The following HDAC9 variants were observed in gnomAD, a reference collection of about 807,000 sequenced individuals.
The protein encoded by HDAC9 is MEF-2 interacting transcription repressor (MITR) protein.
HDAC9 carries 41 observed loss-of-function variants against 139.4 expected under a neutral mutation model. The observed-to-expected ratio is 0.29, with a 90% CI of 0.23 to 0.38. The LOEUF is 0.38. Among genes scored for constraint, HDAC9 ranks in the 10% least tolerant of loss-of-function variants. The pLI, the probability that HDAC9 is intolerant of heterozygous loss-of-function variation, is 1.00. For synonymous variants in HDAC9, 517 were observed against 476.2 expected (o/e 1.09, Z -1.12); for missense variants, 1,147 against 1,297.0 (o/e 0.88, Z 1.78).
intron 16 of HDAC9, among the ~76,000 whole-genome samples, chr7:18,771,903 G>C (rs1238780883): frequency 2.0e-5 from 3 of 152,098 alleles, no homozygotes; most frequent in African/African-American, 7.2e-5. Flanking sequence ...TATTTTCAAA[G>C]CCATAATGTG....
intron 12 of HDAC9, among the ~76,000 whole-genome samples, chr7:18,679,744 A>G (rs915521391): frequency 4.6e-5 from 7 of 151,868 alleles, no homozygotes; most frequent in Non-Finnish European, 1.0e-4. Context: ...AGTATGAAGC[A>G]TAGATAATGG....
intron 9 of HDAC9, among the ~76,000 whole-genome samples, chr7:18,645,734 A>G (rs750699520): frequency 3.3e-5 from 5 of 152,204 alleles, no homozygotes; most frequent in African/African-American, 4.8e-5. Flanking sequence ...ATGATACATT[A>G]GGTTTAGAGA....
chr7:18,651,440 G>T lies in HDAC9; in HGVS notation c.1467+2757G>T, dbSNP rs73683041. ...TGAGGAATTTAGAGAAACAAAAAAT[G>T]AAGTGGGAACAAGAAAATATAAGTA... On this transcript the variant is annotated intron_variant, in intron 11 of 25. Coordinates refer to ENST00000686413, the MANE Select transcript of HDAC9 (RefSeq NM_178425.4). Among the ~76,000 whole-genome samples the T allele has an allele frequency of 9.3e-3, 1,417 of 152,164 alleles. 19 individuals carry two copies. Among genetic ancestry groups the T allele is most frequent in the African/African-American group, 0.032 (1,347 of 41,520 alleles).
intron 2 of HDAC9, among the ~76,000 whole-genome samples, chr7:18,196,674 C>A (rs994057213): frequency 6.6e-6 from 1 of 151,928 alleles, no homozygotes; most frequent in African/African-American, 2.4e-5. Context: ...AGGAGTAGAA[C>A]AGGGATGGTA....
chr7:18,553,433 ATTTTG>A, intron 2 of HDAC9, among the ~76,000 whole-genome samples: 1 of 152,312 alleles, frequency 6.6e-6, no homozygotes, highest in South Asian at 2.1e-4. Context: ...AATCATGGCA[ATTTTG>A]TTTTAAGAAG....
At chr7:18,656,596 T>G (rs1475028962) in intron 11 of HDAC9, among the ~76,000 whole-genome samples, 1 of 152,122 alleles carries the variant, frequency 6.6e-6, no homozygotes, top group Non-Finnish European at 1.5e-5. Context: ...AATAATTCCA[T>G]AAACAGCAAA....
At chr7:18,165,626 A>G (rs1787955186) in intron 2 of HDAC9, among the ~76,000 whole-genome samples, 1 of 151,972 alleles carries the variant, frequency 6.6e-6, no homozygotes, top group Admixed American at 6.6e-5. Context: ...ATCTCTACAA[A>G]AAATTTTTTA....
At chr7:18,275,736 G>A (rs1319146227) in intron 2 of HDAC9, among the ~76,000 whole-genome samples, 3 of 151,984 alleles carry the variant, frequency 2.0e-5, no homozygotes, top group Non-Finnish European at 2.9e-5. Flanking sequence ...CCCTTCCTCG[G>A]GTGTTTTCTC....
At chr7:18,784,667 T>C (rs1358932572) in intron 16 of HDAC9, among the ~76,000 whole-genome samples, 1 of 152,018 alleles carries the variant, frequency 6.6e-6, no homozygotes, top group African/African-American at 2.4e-5. Context: ...TGTTCTTAAC[T>C]CACAGTGGAA....
intron 21 of HDAC9, among the ~76,000 whole-genome samples, chr7:18,869,147 GGTGTGT>G (rs58034239): frequency 0.045 from 6,212 of 138,178 alleles, 225 homozygotes; most frequent in East Asian, 0.14. Context: ...TCACAATTGG[GGTGTGT>G]GTGTGTGTGT....
chr7:18,698,660 G>A (rs754072370), intron 12 of HDAC9, among the ~76,000 whole-genome samples: 9 of 152,156 alleles, frequency 5.9e-5, no homozygotes, highest in Non-Finnish European at 1.2e-4. Context: ...CCTGGCATCT[G>A]TAAAGAATTA....
intron 1 of HDAC9, among the ~76,000 whole-genome samples, chr7:18,431,869 C>T (rs939993124): frequency 6.6e-6 from 1 of 152,178 alleles, no homozygotes; most frequent in Non-Finnish European, 1.5e-5. Context: ...TTATTGAGAA[C>T]TTGGTATCTG....
chr7:18,725,133 G>A (rs1785440814), intron 12 of HDAC9, among the ~76,000 whole-genome samples: 1 of 152,046 alleles, frequency 6.6e-6, no homozygotes, highest in Non-Finnish European at 1.5e-5. Flanking sequence ...CAAAGCCTAT[G>A]ATATGCTTGC....
chr7:18,921,028 A>G (rs566582566), intron 22 of HDAC9, among the ~76,000 whole-genome samples: 1 of 152,176 alleles, frequency 6.6e-6, no homozygotes, highest in Non-Finnish European at 1.5e-5. Flanking sequence ...CTGGCTAGCC[A>G]TATGTAGAAA....
At chr7:18,126,321 G>C (rs1784667576) in intron 1 of HDAC9, among the ~76,000 whole-genome samples, 1 of 152,128 alleles carries the variant, frequency 6.6e-6, no homozygotes, top group Non-Finnish European at 1.5e-5. Flanking sequence ...GAAAACCCCA[G>C]GTGAATGATA....
intron 13 of HDAC9, among the ~76,000 whole-genome samples, chr7:18,744,149 C>G (rs530247775): frequency 1.3e-5 from 2 of 151,788 alleles, no homozygotes; most frequent in South Asian, 4.2e-4. Context: ...TACCACCACA[C>G]CTGGCTAATT....
At chr7:18,317,138 T>G (rs1799710287) in intron 1 of HDAC9, among the ~76,000 whole-genome samples, 1 of 144,386 alleles carries the variant, frequency 6.9e-6, no homozygotes, top group African/African-American at 2.6e-5. Flanking sequence ...AATAAATAAA[T>G]AAATAAATAA....
chr7:18,663,338 G>C (rs904669020), intron 11 of HDAC9, among the ~76,000 whole-genome samples: 1 of 152,014 alleles, frequency 6.6e-6, no homozygotes, highest in Non-Finnish European at 1.5e-5. Context: ...GAGAAGAATC[G>C]CAACAGAAGA....
At chr7:18,289,010 T>A (rs1259615483), upstream of HDAC9, among the ~76,000 whole-genome samples, 2 of 152,200 alleles carry the variant, frequency 1.3e-5, no homozygotes, top group African/African-American at 4.8e-5. Context: ...CCTCTTCTTT[T>A]TCTTCTAGAA....
Sources: gnomAD v4.1 joint callset for allele counts (sites outside exome capture counted in the v4.1 genomes callset) on GRCh38, gnomAD v4.1.1 for gene constraint, MANE v1.5 for transcripts, NCBI Gene and HGNC (gene_info 2026-07-23, HGNC 2026-07-21) for gene names.